The following ACBD6 variants were observed in gnomAD, a reference collection of about 807,000 sequenced individuals.
The protein encoded by ACBD6 is acyl-CoA-binding domain-containing protein 6.
In ACBD6, 28 loss-of-function variants were observed where a neutral mutation model predicts 37.2. That is an observed-to-expected ratio of 0.75 (90% CI 0.56 to 1.03). ACBD6 has a LOEUF of 1.03. Among genes scored for constraint, ACBD6 ranks in the 50% least tolerant of loss-of-function variants. The pLI is 0.00. For missense variants in ACBD6, 340 were observed against 337.4 expected (o/e 1.01, Z -0.06); for synonymous variants, 113 against 126.8 (o/e 0.89, Z 0.73).
chr1:180,474,186 G>A (rs1446414043), intron 3 of ACBD6, among the ~76,000 whole-genome samples: 1 of 152,006 alleles, frequency 6.6e-6, no homozygotes, highest in African/African-American at 2.4e-5. Context: ...CTTATACGCA[G>A]GGAGAAATAC....
chr1:180,430,322 A>C (rs1648763961), intron 3 of ACBD6, 60 bp from the exon 4 acceptor site: 3 of 1,336,280 alleles, frequency 2.2e-6, no homozygotes, highest in Non-Finnish European at 3.2e-6. Flanking sequence ...ATAGGTATTT[A>C]AATCAGTTAC....
intron 6 of ACBD6, among the ~76,000 whole-genome samples, chr1:180,395,468 T>A (rs1368109028): frequency 6.6e-6 from 1 of 152,022 alleles, no homozygotes; most frequent in African/African-American, 2.4e-5. Flanking sequence ...GTTGTGTGAT[T>A]TTTTTTTATT....
intron 3 of ACBD6, among the ~76,000 whole-genome samples, chr1:180,438,697 A>G (rs1044795266): frequency 3.9e-5 from 6 of 152,154 alleles, no homozygotes; most frequent in African/African-American, 1.4e-4. Context: ...CACTGCCCCC[A>G]TTACTAACAT....
intron 5 of ACBD6, 142 bp downstream of exon 5, chr1:180,413,224 C>T (rs555068766): frequency 1.9e-5 from 13 of 698,190 alleles, no homozygotes; most frequent in African/African-American, 1.1e-4. Flanking sequence ...AACTAGGTAA[C>T]ACCATCTCAT....
intron 4 of ACBD6, among the ~76,000 whole-genome samples, chr1:180,428,424 GT>G (rs1648685418): frequency 6.6e-6 from 1 of 152,088 alleles, no homozygotes; most frequent in South Asian, 2.1e-4. Flanking sequence ...AAAATAAACT[GT>G]ATTATTCTTT....
At chr1:180,465,077 C>T (rs1650296050) in intron 3 of ACBD6, among the ~76,000 whole-genome samples, 1 of 152,032 alleles carries the variant, frequency 6.6e-6, no homozygotes, top group South Asian at 2.1e-4. Flanking sequence ...ACCATAAAAA[C>T]CCTGGAAGAC....
At chr1:180,337,824 A>C (rs1247071118) in intron 6 of ACBD6, among the ~76,000 whole-genome samples, 1 of 152,218 alleles carries the variant, frequency 6.6e-6, no homozygotes, top group East Asian at 1.9e-4. Context: ...TACAAAATCA[A>C]TGTGCAAAAA....
At chr1:180,303,283 C>T (rs1362255706) in intron 7 of ACBD6, among the ~76,000 whole-genome samples, 9 of 147,302 alleles carry the variant, frequency 6.1e-5, no homozygotes, top group Middle Eastern at 3.4e-3. Flanking sequence ...GATAGAGACA[C>T]AAAAAACCCT....
intron 6 of ACBD6, among the ~76,000 whole-genome samples, chr1:180,318,314 T>C (rs1386896085): frequency 6.6e-6 from 1 of 152,206 alleles, no homozygotes; most frequent in African/African-American, 2.4e-5. Flanking sequence ...TAAAAAATTC[T>C]TTGATATATT....
intron 3 of ACBD6, among the ~76,000 whole-genome samples, chr1:180,466,132 C>T (rs1650340118): frequency 6.6e-6 from 1 of 151,932 alleles, no homozygotes; most frequent in South Asian, 2.1e-4. Context: ...CACATGTACC[C>T]ATAAACCTAA....
chr1:180,382,216 AAAACAAAC>A (rs982447360), intron 6 of ACBD6, among the ~76,000 whole-genome samples: 3 of 152,016 alleles, frequency 2.0e-5, no homozygotes, highest in Non-Finnish European at 4.4e-5. Flanking sequence ...AAGAGACTAA[AAAACAAAC>A]AAACAAAAAA....
chr1:180,409,422 C>T (rs894729560), intron 5 of ACBD6, among the ~76,000 whole-genome samples: 1 of 152,164 alleles, frequency 6.6e-6, no homozygotes, highest in Non-Finnish European at 1.5e-5. Context: ...TTTGCAAATA[C>T]TGTGTTTTTT....
chr1:180,479,432 G>A (rs1650936024), intron 3 of ACBD6, among the ~76,000 whole-genome samples: 1 of 152,034 alleles, frequency 6.6e-6, no homozygotes, highest in South Asian at 2.1e-4. Context: ...ATATATATGA[G>A]CTAAAAAATT....
intron 6 of ACBD6, among the ~76,000 whole-genome samples, chr1:180,353,374 T>C (rs1003697896): frequency 3.3e-5 from 5 of 152,206 alleles, no homozygotes; most frequent in African/African-American, 9.6e-5. Context: ...TGTTTTACTC[T>C]GTGATAGCCC....
intron 6 of ACBD6, among the ~76,000 whole-genome samples, chr1:180,388,627 A>C (rs1653944462): frequency 6.6e-6 from 1 of 152,034 alleles, no homozygotes; most frequent in Non-Finnish European, 1.5e-5. Context: ...TTTTTGTAGC[A>C]ATACAGAGTC....
chr1:180,319,569 CCT>C (rs1650972090), intron 6 of ACBD6, among the ~76,000 whole-genome samples: 1 of 152,064 alleles, frequency 6.6e-6, no homozygotes. Flanking sequence ...CCATAGTCAC[CCT>C]GTTATGCTAT....
chr1:180,287,588 T>C (rs1191700067), downstream of ACBD6, among the ~76,000 whole-genome samples: 1 of 147,032 alleles, frequency 6.8e-6, no homozygotes, highest in Non-Finnish European at 1.5e-5. Context: ...CTTTTTTTTT[T>C]TTTTTTTTTT....
chr1:180,408,399 C>T (rs1647715827), intron 5 of ACBD6, among the ~76,000 whole-genome samples: 1 of 152,074 alleles, frequency 6.6e-6, no homozygotes, highest in Non-Finnish European at 1.5e-5. Flanking sequence ...AATCATCATT[C>T]TCAGTAAACT....
At chr1:180,383,506 T>A (rs567213752) in intron 6 of ACBD6, among the ~76,000 whole-genome samples, 2 of 152,066 alleles carry the variant, frequency 1.3e-5, no homozygotes, top group African/African-American at 4.8e-5. Context: ...TAAGGAAAAC[T>A]ACAAAACTGA....
Sources: gnomAD v4.1 joint callset for allele counts (sites outside exome capture counted in the v4.1 genomes callset) on GRCh38, gnomAD v4.1.1 for gene constraint, MANE v1.5 for transcripts, NCBI Gene and HGNC (gene_info 2026-07-23, HGNC 2026-07-21) for gene names.